Variants in CDH8 observed in about 807,000 individuals in gnomAD.
CDH8 encodes cadherin-8.
In CDH8, 17 loss-of-function variants were observed where a neutral mutation model predicts 68.1. That is an observed-to-expected ratio of 0.25 (90% CI 0.17 to 0.37). The LOEUF (loss-of-function observed/expected upper bound fraction) is 0.37, where lower values mean the gene tolerates loss of function less well. Among genes scored for constraint, CDH8 ranks in the 10% least tolerant of loss-of-function variants. The pLI is 1.00. For synonymous variants in CDH8, 372 were observed against 365.1 expected (o/e 1.02, Z -0.21); for missense variants, 763 against 999.3 (o/e 0.76, Z 3.19).
intron 7 of CDH8, among the ~76,000 whole-genome samples, chr16:61,799,118 A>G (rs1961561847): frequency 6.6e-6 from 1 of 152,148 alleles, no homozygotes; most frequent in Non-Finnish European, 1.5e-5. Flanking sequence ...ATCGATTTCT[A>G]TGAATGTCCA....
At chr16:61,801,212 A>G (rs1280007814) in intron 7 of CDH8, among the ~76,000 whole-genome samples, 1 of 152,158 alleles carries the variant, frequency 6.6e-6, no homozygotes, top group African/African-American at 2.4e-5. Context: ...GTTTTAAAAT[A>G]TTTTACAAAT....
At chr16:61,796,321 T>C (rs1190038739) in intron 7 of CDH8, among the ~76,000 whole-genome samples, 2 of 152,090 alleles carry the variant, frequency 1.3e-5, no homozygotes, top group Non-Finnish European at 2.9e-5. Context: ...TTGAGAATTG[T>C]GCATATATTG....
At chr16:61,820,327 T>G (rs1293616699) in intron 6 of CDH8, among the ~76,000 whole-genome samples, 1 of 148,180 alleles carries the variant, frequency 6.7e-6, no homozygotes, top group Non-Finnish European at 1.5e-5. Context: ...TTTTTTTTTT[T>G]TTTTTTTTTT....
chr16:61,916,152 A>G (rs923504237), intron 2 of CDH8, among the ~76,000 whole-genome samples: 1 of 152,228 alleles, frequency 6.6e-6, no homozygotes, highest in Non-Finnish European at 1.5e-5. Flanking sequence ...GTATTTCTAT[A>G]TATTTGAGAT....
intron 9 of CDH8, among the ~76,000 whole-genome samples, chr16:61,722,584 G>T (rs1286174176): frequency 6.6e-6 from 1 of 150,732 alleles, no homozygotes; most frequent in African/African-American, 2.4e-5. Context: ...ATCTGAAGAG[G>T]TTAGCATGCA....
intron 2 of CDH8, among the ~76,000 whole-genome samples, chr16:62,003,943 A>T (rs926227858): frequency 6.6e-6 from 1 of 152,092 alleles, no homozygotes; most frequent in Admixed American, 6.5e-5. Flanking sequence ...CCTTCCTCAG[A>T]CTCAGTATTA....
intron 2 of CDH8, among the ~76,000 whole-genome samples, chr16:61,916,759 C>T (rs1964244996): frequency 6.6e-6 from 1 of 152,064 alleles, no homozygotes; most frequent in South Asian, 2.1e-4. Flanking sequence ...AGAATATCTG[C>T]TTTCTGCCAT....
At chr16:61,990,960 A>G in intron 2 of CDH8, among the ~76,000 whole-genome samples, 1 of 150,354 alleles carries the variant, frequency 6.7e-6, no homozygotes, top group South Asian at 2.1e-4. Flanking sequence ...GAGAAAAAAG[A>G]AAGAAAGAAA....
chr16:61,715,848 C>T (rs541913913), intron 9 of CDH8, among the ~76,000 whole-genome samples: 1 of 151,730 alleles, frequency 6.6e-6, no homozygotes, highest in East Asian at 2.0e-4. Flanking sequence ...AAATATTTAA[C>T]AGAAAAGTAT....
intron 3 of CDH8, among the ~76,000 whole-genome samples, chr16:61,874,116 A>G (rs72798766): frequency 0.08 from 12,132 of 152,084 alleles, 575 homozygotes; most frequent in African/African-American, 0.11. Flanking sequence ...TTTTTGCCCA[A>G]CTGCTGGCTA....
chr16:61,812,263 A>G (rs1961968163), intron 7 of CDH8, among the ~76,000 whole-genome samples: 1 of 152,230 alleles, frequency 6.6e-6, no homozygotes, highest in African/African-American at 2.4e-5. Context: ...GCTGATGAAC[A>G]GCCACCCTGG....
intron 10 of CDH8, among the ~76,000 whole-genome samples, chr16:61,665,218 C>T (rs1168649541): frequency 1.3e-5 from 2 of 151,754 alleles, no homozygotes; most frequent in African/African-American, 4.8e-5. Flanking sequence ...TGGGCTCAGC[C>T]ACATACAAGC....
chr16:61,704,707 T>C (rs1402574353), intron 10 of CDH8, among the ~76,000 whole-genome samples: 1 of 152,252 alleles, frequency 6.6e-6, no homozygotes, highest in Non-Finnish European at 1.5e-5. Flanking sequence ...GTCACTTCTC[T>C]GTTAATTGGT....
chr16:61,986,740 T>G (rs1429619247), intron 2 of CDH8, among the ~76,000 whole-genome samples: 1 of 152,178 alleles, frequency 6.6e-6, no homozygotes, highest in Non-Finnish European at 1.5e-5. Context: ...TCTAGCTTAA[T>G]CATGGAGTCT....
At chr16:61,757,641 A>C (rs1002349675) in intron 8 of CDH8, among the ~76,000 whole-genome samples, 6 of 152,164 alleles carry the variant, frequency 3.9e-5, no homozygotes, top group Non-Finnish European at 8.8e-5. Flanking sequence ...AGAAGTTAGC[A>C]GCTTCTATCT....
At chr16:61,788,088 T>TA (rs34586856) in intron 8 of CDH8, among the ~76,000 whole-genome samples, 1,909 of 133,174 alleles carry the variant, frequency 0.014, 31 homozygotes, top group African/African-American at 0.041. Context: ...TAAAGTATAA[T>TA]AAAAAAAAAA....
intron 4 of CDH8, among the ~76,000 whole-genome samples, chr16:61,834,983 T>C (rs928326971): frequency 3.3e-5 from 5 of 151,920 alleles, no homozygotes; most frequent in Non-Finnish European, 7.4e-5. Context: ...ACTCCATGTC[T>C]GATAAAAAGA....
intron 7 of CDH8, among the ~76,000 whole-genome samples, chr16:61,814,073 C>A (rs8046306): frequency 0.031 from 4,723 of 152,174 alleles, 237 homozygotes; most frequent in African/African-American, 0.11. Context: ...TAACTGGTAA[C>A]CCTACTAGCT....
At chr16:61,717,669 T>C (rs1432394610) in intron 9 of CDH8, among the ~76,000 whole-genome samples, 1 of 151,516 alleles carries the variant, frequency 6.6e-6, no homozygotes, top group Non-Finnish European at 1.5e-5. Flanking sequence ...CAGGATCTAT[T>C]AGAACCTCTT....
Sources: allele counts gnomAD v4.1 joint callset (sites outside exome capture counted in the v4.1 genomes callset), GRCh38; gene constraint gnomAD v4.1.1; transcripts MANE v1.5; gene names NCBI Gene and HGNC (gene_info 2026-07-23, HGNC 2026-07-21).